The following PARD3B variants were observed in gnomAD, a reference collection of about 807,000 sequenced individuals.
PARD3B encodes the protein par-3 family cell polarity regulator beta.
A neutral mutation model predicts 130.2 loss-of-function variants in PARD3B; 103 were observed. The ratio of observed to expected loss-of-function variants is 0.79; its 90% CI spans 0.67 to 0.93. The LOEUF is 0.93. Among genes scored for constraint, PARD3B ranks in the 40% least tolerant of loss-of-function variants. PARD3B has a pLI of 0.00. For missense variants in PARD3B, 1,609 were observed against 1,499.2 expected, an observed-to-expected ratio of 1.07 and a Z score of -1.21; for synonymous variants, 583 against 553.2, an observed-to-expected ratio of 1.05 and a Z score of -0.76.
chr2:205,336,443 A>G (rs2105792287), intron 18 of PARD3B, among the ~76,000 whole-genome samples: 1 of 152,282 alleles, frequency 6.6e-6, no homozygotes, highest in South Asian at 2.1e-4. Flanking sequence ...CTTGGCTTGA[A>G]TTTCTTCCTC....
intron 22 of PARD3B, among the ~76,000 whole-genome samples, chr2:205,612,448 A>C (rs2055267897): frequency 6.6e-6 from 1 of 152,194 alleles, no homozygotes; most frequent in Non-Finnish European, 1.5e-5. Context: ...GGCCAAAATT[A>C]GTTTTTTTAA....
intron 2 of PARD3B, among the ~76,000 whole-genome samples, chr2:204,840,628 A>G (rs1247633488): frequency 6.6e-6 from 1 of 152,116 alleles, no homozygotes; most frequent in Non-Finnish European, 1.5e-5. Flanking sequence ...AGATAACAAA[A>G]TTGTATATTG....
In PARD3B at chr2:205,124,479, A is replaced by G. The variant is rs374951014; in HGVS notation, c.1305+13A>G. 9.0e-5 allele frequency: 141 copies of G among 1,558,116 alleles called. No homozygotes were observed. The highest frequency in any genetic ancestry group is 4.4e-4 in the African/African-American group (32 of 73,346). On this transcript the variant is annotated intron_variant, in intron 9 of 22. Transcript: ENST00000406610. ...CAGAATTTTGGAGGTAAGAATTGGA[A>G]TTAATAGTTGTATGAAAATATTTCT...
chr2:205,363,308 C>G (rs1337263573), intron 18 of PARD3B, among the ~76,000 whole-genome samples: 1 of 152,116 alleles, frequency 6.6e-6, no homozygotes, highest in Non-Finnish European at 1.5e-5. Context: ...GGATAGGAAG[C>G]CAAAGGCCAT....
In PARD3B at chr2:204,829,716, C is replaced by G. The variant is rs184185027; in HGVS notation, c.223-135436C>G. Among the ~76,000 whole-genome samples the G allele has an allele frequency of 4.5e-3, 682 of 152,096 alleles. 10 individuals carry two copies. The highest frequency in any genetic ancestry group is 0.016 in the African/African-American group (661 of 41,492). The stretch of plus-strand genomic sequence containing the variant: ...TGTGGTTGTTTAAAAATGTGTAGCA[C>G]TGGCCGGGCGCGGTGGCTCACGCCT... On this transcript the variant is annotated intron_variant, in intron 2 of 22. Transcript: ENST00000406610.
chr2:205,430,273 A>G (rs2047284020), intron 19 of PARD3B, among the ~76,000 whole-genome samples: 1 of 152,182 alleles, frequency 6.6e-6, no homozygotes, highest in Admixed American at 6.5e-5. Flanking sequence ...AAAGCTGTGT[A>G]TAAGTGAACC....
chr2:204,873,453 T>C (rs2125652241), intron 2 of PARD3B, among the ~76,000 whole-genome samples: 1 of 152,336 alleles, frequency 6.6e-6, no homozygotes, highest in South Asian at 2.1e-4. Flanking sequence ...ATTATTCATT[T>C]GTCCCCCAGA....
At chr2:205,521,270 G>C (rs1456167343) in intron 21 of PARD3B, among the ~76,000 whole-genome samples, 2 of 151,666 alleles carry the variant, frequency 1.3e-5, no homozygotes, top group Non-Finnish European at 2.9e-5. Flanking sequence ...ACATTTCATA[G>C]GTTTATTGGC....
Position 204,669,204 on chromosome 2 carries a change from T to C in PARD3B, c.121-16977T>C, listed in dbSNP as rs142135304. Among the ~76,000 whole-genome samples the C allele has an allele frequency of 1.2e-3, 188 of 152,288 alleles. 2 individuals are homozygous for C. The highest frequency in any genetic ancestry group is 4.4e-3 in the African/African-American group (184 of 41,564). On this transcript the variant is annotated intron_variant, in intron 1 of 22. Transcript: ENST00000406610. This position sits in a 1 kb window ranked among gnomAD's most constrained non-coding sequence, Gnocchi z 4.3. ...CAGTAGAACCCTTCTTTATTTCAGT[T>C]TGGTGATATGAATGTGTTGCTTCTT...
chr2:205,216,630 T>A (rs997402449), intron 15 of PARD3B, among the ~76,000 whole-genome samples: 2 of 152,140 alleles, frequency 1.3e-5, no homozygotes, highest in Non-Finnish European at 2.9e-5. Context: ...ATGAAGTATG[T>A]TTAATGCTTA....
At chr2:204,936,455 G>T (rs1688469481) in intron 2 of PARD3B, among the ~76,000 whole-genome samples, 1 of 152,154 alleles carries the variant, frequency 6.6e-6, no homozygotes, top group African/African-American at 2.4e-5. Flanking sequence ...TCTCCCTACA[G>T]CATTTTTTTC....
At chr2:204,658,707 A>T (rs1314774479) in intron 1 of PARD3B, among the ~76,000 whole-genome samples, 3 of 152,162 alleles carry the variant, frequency 2.0e-5, no homozygotes, top group Non-Finnish European at 2.9e-5. Flanking sequence ...GATTTCTAGA[A>T]AATATGTGAA....
chr2:204,998,337 T>C (rs185040712), intron 3 of PARD3B, among the ~76,000 whole-genome samples: 9,884 of 42,098 alleles, frequency 0.23, 876 homozygotes, highest in Middle Eastern at 0.32. Context: ...TATATATATA[T>C]ATATATATAT....
chr2:205,252,868 A>G (rs1234457652), intron 16 of PARD3B, among the ~76,000 whole-genome samples: 2 of 139,848 alleles, frequency 1.4e-5, no homozygotes, highest in Non-Finnish European at 3.1e-5. Flanking sequence ...AAAAAAAAAA[A>G]GGAGAGAGAG....
At chr2:205,424,454 T>TA (rs2047075771) in intron 19 of PARD3B, among the ~76,000 whole-genome samples, 1 of 152,074 alleles carries the variant, frequency 6.6e-6, no homozygotes, top group Non-Finnish European at 1.5e-5. Flanking sequence ...GTGTGGCATT[T>TA]AGGGCCAAGA....
chr2:205,534,791 T>G (rs1462223415), intron 21 of PARD3B, among the ~76,000 whole-genome samples: 1 of 152,104 alleles, frequency 6.6e-6, no homozygotes, highest in Non-Finnish European at 1.5e-5. Context: ...CCCATAGTGG[T>G]TATTTCTAAT....
At chr2:204,871,477 A>G (rs949295226) in intron 2 of PARD3B, among the ~76,000 whole-genome samples, 5 of 151,998 alleles carry the variant, frequency 3.3e-5, no homozygotes, top group African/African-American at 7.3e-5. Flanking sequence ...ATGAGACAGA[A>G]TAACATTTTC....
chr2:204,984,317 G>A (rs1692940669), intron 3 of PARD3B, among the ~76,000 whole-genome samples: 2 of 152,026 alleles, frequency 1.3e-5, no homozygotes, highest in Admixed American at 1.3e-4. Context: ...AATCAAAATA[G>A]TTTTTACGTG....
chr2:205,451,517 A>G (rs1255199328), intron 20 of PARD3B, among the ~76,000 whole-genome samples: 1 of 152,094 alleles, frequency 6.6e-6, no homozygotes, highest in Non-Finnish European at 1.5e-5. Context: ...TAATAATGCA[A>G]AAGTTATAGA....
Sources: allele counts gnomAD v4.1 joint callset (sites outside exome capture counted in the v4.1 genomes callset), GRCh38; gene constraint gnomAD v4.1.1; non-coding constraint Gnocchi (gnomAD v3.1); transcripts MANE v1.5; gene names NCBI Gene and HGNC (gene_info 2026-07-23, HGNC 2026-07-21).